PBX3: variants seen among roughly 807,000 people sequenced by gnomAD.
The protein encoded by PBX3 is PBX homeobox 3.
A neutral mutation model predicts 48.5 loss-of-function variants in PBX3; 14 were observed. The observed-to-expected ratio is 0.29, with a 90% CI of 0.19 to 0.45. The LOEUF is 0.45. Ranked by LOEUF, PBX3 falls within the 20% of genes least tolerant of loss-of-function variation. The probability of loss-of-function intolerance (pLI) is 1.00; values close to 1 mark genes in which losing one functional copy is unlikely to be tolerated. For missense variants in PBX3, 386 were observed against 546.7 expected (o/e 0.71, Z 2.93); for synonymous variants, 210 against 200.3 (o/e 1.05, Z -0.41).
At chr9:125,866,931 T>G (rs1839996378) in intron 2 of PBX3, among the ~76,000 whole-genome samples, 1 of 152,196 alleles carries the variant, frequency 6.6e-6, no homozygotes. Flanking sequence ...TTTTCACCCC[T>G]AAGTCATCCA....
At chr9:125,798,614 G>A (rs1489405575) in intron 2 of PBX3, among the ~76,000 whole-genome samples, 1 of 152,134 alleles carries the variant, frequency 6.6e-6, no homozygotes, top group African/African-American at 2.4e-5. Context: ...GAGGGAAGAA[G>A]TGGGTGATAG....
chr9:125,791,888 C>CAAA (rs879635585), intron 2 of PBX3, among the ~76,000 whole-genome samples: 1 of 129,288 alleles, frequency 7.7e-6, no homozygotes. Context: ...GACTCCGTCT[C>CAAA]AAAAAAAAAA....
At chr9:125,845,804 T>G (rs536579858) in intron 2 of PBX3, among the ~76,000 whole-genome samples, 2 of 152,192 alleles carry the variant, frequency 1.3e-5, no homozygotes, top group East Asian at 3.9e-4. Context: ...TTATATATGC[T>G]ACTAAAGAAA....
chr9:125,755,420 TAG>T (rs1176219769), intron 2 of PBX3, among the ~76,000 whole-genome samples: 1 of 152,082 alleles, frequency 6.6e-6, no homozygotes, highest in Non-Finnish European at 1.5e-5. Context: ...TAAAAGTGTT[TAG>T]AGAGAGAGGA....
chr9:125,803,434 A>G (rs1406874714), intron 2 of PBX3, among the ~76,000 whole-genome samples: 1 of 152,002 alleles, frequency 6.6e-6, no homozygotes, highest in East Asian at 1.9e-4. Flanking sequence ...AAAAAAAATT[A>G]TTTTCCAGGA....
intron 2 of PBX3, among the ~76,000 whole-genome samples, chr9:125,778,381 C>T (rs1359314982): frequency 6.6e-6 from 1 of 152,050 alleles, no homozygotes; most frequent in Non-Finnish European, 1.5e-5. Context: ...CCTCAGCCTC[C>T]CGAATAGCTG....
At chr9:125,770,989 G>T (rs1836927030) in intron 2 of PBX3, among the ~76,000 whole-genome samples, 1 of 152,166 alleles carries the variant, frequency 6.6e-6, no homozygotes, top group South Asian at 2.1e-4. Context: ...AATAACAGCA[G>T]ACATTTTGAA....
At chr9:125,872,649 A>G (rs1371585433) in intron 2 of PBX3, among the ~76,000 whole-genome samples, 1 of 151,846 alleles carries the variant, frequency 6.6e-6, no homozygotes, top group Non-Finnish European at 1.5e-5. Flanking sequence ...ACTCCTAGCT[A>G]CTCTGGAGGC....
chr9:125,929,605 G>A (rs373016933), intron 3 of PBX3, 50 bp from the exon 4 acceptor site: 46 of 1,294,550 alleles, frequency 3.6e-5, no homozygotes, highest in Middle Eastern at 1.9e-4. Flanking sequence ...GAATGTCTTC[G>A]TGTGATAGTA....
intron 2 of PBX3, among the ~76,000 whole-genome samples, chr9:125,812,390 T>G (rs997674008): frequency 2.0e-5 from 3 of 152,268 alleles, no homozygotes; most frequent in Non-Finnish European, 4.4e-5. Context: ...CTTCAGATTT[T>G]TAACAGTCGT....
intron 6 of PBX3, among the ~76,000 whole-genome samples, chr9:125,961,279 C>T (rs915428778): frequency 3.9e-5 from 6 of 152,200 alleles, no homozygotes; most frequent in Non-Finnish European, 8.8e-5. Flanking sequence ...TTCTGCCCAG[C>T]ACCGCTGTCC....
chr9:125,960,899 C>T (rs1375201175), intron 6 of PBX3, 50 bp downstream of exon 6: 6 of 1,574,678 alleles, frequency 3.8e-6, no homozygotes, highest in South Asian at 1.1e-5. Flanking sequence ...CCTTATGCCA[C>T]AATGCCCTGT....
intron 2 of PBX3, among the ~76,000 whole-genome samples, chr9:125,848,354 TA>T (rs1357969165): frequency 6.6e-6 from 1 of 152,006 alleles, no homozygotes; most frequent in Non-Finnish European, 1.5e-5. Context: ...TATTTAGGGG[TA>T]AAAACATTGT....
intron 2 of PBX3, among the ~76,000 whole-genome samples, chr9:125,772,942 T>C (rs940022726): frequency 1.3e-5 from 2 of 152,156 alleles, no homozygotes; most frequent in Admixed American, 6.5e-5. Context: ...TGTGGATAAA[T>C]ACAAGCTGAG....
At chr9:125,914,183 A>G (rs1482592117) in intron 2 of PBX3, among the ~76,000 whole-genome samples, 3 of 152,202 alleles carry the variant, frequency 2.0e-5, no homozygotes, top group African/African-American at 7.2e-5. Context: ...TACGCATTTT[A>G]TGAGTTATCT....
At chr9:125,781,301 C>T (rs892942648) in intron 2 of PBX3, among the ~76,000 whole-genome samples, 1 of 151,816 alleles carries the variant, frequency 6.6e-6, no homozygotes, top group African/African-American at 2.4e-5. Flanking sequence ...GCGGATCACT[C>T]GCTGTTAGGA....
chr9:125,862,230 A>G (rs1839877739), intron 2 of PBX3, among the ~76,000 whole-genome samples: 1 of 152,170 alleles, frequency 6.6e-6, no homozygotes, highest in Admixed American at 6.5e-5. Flanking sequence ...TTCAGTCAAC[A>G]AACCATTTGA....
At chr9:125,747,804 G>T in intron 1 of PBX3, 151 bp downstream of exon 1, 1 of 555,242 alleles carries the variant, frequency 1.8e-6, no homozygotes, top group Non-Finnish European at 3.0e-6. Flanking sequence ...GCCTCGGGGG[G>T]ACTTGCCCGC....
chr9:125,928,554 C>A (rs577008440), intron 3 of PBX3, among the ~76,000 whole-genome samples: 2 of 151,578 alleles, frequency 1.3e-5, no homozygotes, highest in African/African-American at 4.9e-5. Flanking sequence ...CAAGCTCCAT[C>A]GCCTGGGTTC....
Sources: gnomAD v4.1 joint callset for allele counts (sites outside exome capture counted in the v4.1 genomes callset) on GRCh38, gnomAD v4.1.1 for gene constraint, MANE v1.5 for transcripts, NCBI Gene and HGNC (gene_info 2026-07-23, HGNC 2026-07-21) for gene names.